SCN8A: variants seen among roughly 807,000 people sequenced by gnomAD.
SCN8A encodes sodium voltage-gated channel alpha subunit 8, also known as sodium channel protein type 8 subunit alpha.
SCN8A carries 30 observed loss-of-function variants against 184.1 expected under a neutral mutation model. The ratio of observed to expected loss-of-function variants is 0.16; its 90% CI spans 0.12 to 0.22. SCN8A has a LOEUF of 0.22. Ranked by LOEUF, SCN8A falls within the 10% of genes least tolerant of loss-of-function variation. SCN8A has a pLI of 1.00. For missense variants in SCN8A, 1,057 were observed against 2,498.9 expected, an observed-to-expected ratio of 0.42 and a Z score of 12.30; for synonymous variants, 852 against 907.0, an observed-to-expected ratio of 0.94 and a Z score of 1.09.
chr12:51,610,984 A>G (rs1308481142), intron 1 of SCN8A, among the ~76,000 whole-genome samples: 1 of 152,204 alleles, frequency 6.6e-6, no homozygotes, highest in African/African-American at 2.4e-5. Context: ...CAGCTTTTAT[A>G]TCTGCAAAAA....
intron 5 of SCN8A, 98 bp downstream of exon 5, chr12:51,687,317 C>T: frequency 7.3e-7 from 1 of 1,360,692 alleles, no homozygotes. Flanking sequence ...GTGGACACAG[C>T]TGTATGAGGA....
At chr12:51,750,456 G>C (rs186536133) in intron 13 of SCN8A, among the ~76,000 whole-genome samples, 81 of 152,320 alleles carry the variant, frequency 5.3e-4, no homozygotes, top group African/African-American at 1.9e-3. Context: ...AAGAAAGAAG[G>C]AGACAGGAGG....
chr12:51,658,106 G>A (rs1272203819), intron 1 of SCN8A, among the ~76,000 whole-genome samples: 1 of 151,994 alleles, frequency 6.6e-6, no homozygotes, highest in Non-Finnish European at 1.5e-5. Context: ...AAGGTCTTTT[G>A]TGGTTCCATA....
intron 12 of SCN8A, among the ~76,000 whole-genome samples, chr12:51,738,336 C>A (rs1196866961): frequency 6.6e-6 from 1 of 152,136 alleles, no homozygotes; most frequent in Non-Finnish European, 1.5e-5. Flanking sequence ...CATCGGGCCC[C>A]TCACAATGCA....
chr12:51,729,778 C>T (rs1486206723), intron 12 of SCN8A, among the ~76,000 whole-genome samples: 2 of 151,974 alleles, frequency 1.3e-5, no homozygotes, highest in Non-Finnish European at 2.9e-5. Flanking sequence ...TTTTTTTATC[C>T]CACCAACAAT....
intron 1 of SCN8A, among the ~76,000 whole-genome samples, chr12:51,602,961 A>G (rs939274086): frequency 6.6e-6 from 1 of 152,188 alleles, no homozygotes; most frequent in Non-Finnish European, 1.5e-5. Flanking sequence ...TCTACCCAAG[A>G]TAGTATTTCA....
chr12:51,795,410 G>A (rs1938380515), intron 26 of SCN8A, among the ~76,000 whole-genome samples: 1 of 152,206 alleles, frequency 6.6e-6, no homozygotes, highest in Non-Finnish European at 1.5e-5. Context: ...CATCTTTTGT[G>A]ATAAAACTCA....
chr12:51,702,151 G>A (rs1047717390), intron 8 of SCN8A, among the ~76,000 whole-genome samples: 4 of 151,700 alleles, frequency 2.6e-5, no homozygotes, highest in Admixed American at 1.3e-4. Flanking sequence ...GTGAAACCCC[G>A]TCTCTACTAA....
intron 14 of SCN8A, among the ~76,000 whole-genome samples, chr12:51,756,851 G>A (rs950709944): frequency 6.6e-6 from 1 of 152,216 alleles, no homozygotes; most frequent in African/African-American, 2.4e-5. Flanking sequence ...GGAAAGAAGA[G>A]CTAGGGTTTA....
In SCN8A at chr12:51,603,640, G is replaced by A. The variant is rs187022358; in HGVS notation, c.-55+12281G>A. Among the ~76,000 whole-genome samples, 261 of 152,182 alleles carry A rather than the reference G, an allele frequency of 1.7e-3. 1 individual carries two copies. Among genetic ancestry groups the A allele is most frequent in the Non-Finnish European group, 3.1e-3 (214 of 68,010 alleles). ...TTTTTCAGAATGGTTGTACCATTTC[G>A]CATTCCCAACAGCAGTGTATGAGAG... On this transcript the variant is annotated intron_variant, in intron 1 of 26. Coordinates refer to ENST00000627620, the MANE Select transcript of SCN8A (RefSeq NM_001330260.2).
At chr12:51,775,813 C>A (rs1937675290) in intron 20 of SCN8A, among the ~76,000 whole-genome samples, 1 of 152,202 alleles carries the variant, frequency 6.6e-6, no homozygotes, top group Admixed American at 6.5e-5. Context: ...GTACTCCCAG[C>A]TGCCTGGGGA....
intron 11 of SCN8A, chr12:51,713,427 T>C: frequency 1.2e-6 from 1 of 802,828 alleles, no homozygotes; most frequent in Non-Finnish European, 2.2e-6. Context: ...AATCTGTGAG[T>C]GTGCCCCATT....
chr12:51,616,520 G>T (rs994599599), intron 1 of SCN8A, among the ~76,000 whole-genome samples: 1 of 152,140 alleles, frequency 6.6e-6, no homozygotes. Flanking sequence ...GTTGAGGCAG[G>T]AGAATCATTT....
intron 1 of SCN8A, among the ~76,000 whole-genome samples, chr12:51,637,517 T>C (rs1427496525): frequency 1.3e-5 from 2 of 152,190 alleles, no homozygotes; most frequent in African/African-American, 4.8e-5. Flanking sequence ...TTAATGCTGA[T>C]ATGGAGAAAG....
At chr12:51,679,743 T>TTTTTTTTTA (rs1941295514) in intron 2 of SCN8A, among the ~76,000 whole-genome samples, 1 of 64,020 alleles carries the variant, frequency 1.6e-5, no homozygotes, top group African/African-American at 4.1e-5. Context: ...TTTTTTTTTT[T>TTTTTTTTTA]GAGACGGAGT....
At chr12:51,699,341 C>G (rs1941644787) in intron 6 of SCN8A, among the ~76,000 whole-genome samples, 1 of 152,190 alleles carries the variant, frequency 6.6e-6, no homozygotes, top group Non-Finnish European at 1.5e-5. Context: ...CACATGTTGG[C>G]AGAAGAATCT....
chr12:51,780,074 TCAAA>T (rs1284701100), intron 20 of SCN8A: 1 of 297,354 alleles, frequency 3.4e-6, no homozygotes, highest in Non-Finnish European at 7.0e-6. Context: ...CATCAGATTC[TCAAA>T]CAAATGGTTT....
intron 1 of SCN8A, among the ~76,000 whole-genome samples, chr12:51,592,237 C>G (rs1005391498): frequency 6.6e-6 from 1 of 151,870 alleles, no homozygotes; most frequent in Non-Finnish European, 1.5e-5. Flanking sequence ...TGGGGCACCG[C>G]AAAGCCTCTG....
At chr12:51,618,117 C>T (rs1939879734) in intron 1 of SCN8A, among the ~76,000 whole-genome samples, 1 of 152,082 alleles carries the variant, frequency 6.6e-6, no homozygotes, top group African/African-American at 2.4e-5. Flanking sequence ...CTTTTACTTC[C>T]TATGACCACA....
Sources: allele counts gnomAD v4.1 joint callset (sites outside exome capture counted in the v4.1 genomes callset), GRCh38; gene constraint gnomAD v4.1.1; transcripts MANE v1.5; gene names NCBI Gene and HGNC (gene_info 2026-07-23, HGNC 2026-07-21).